The following NAV3 variants were observed in gnomAD, a reference collection of about 807,000 sequenced individuals.
NAV3 encodes the protein neuron navigator 3, also known as pore membrane and/or filament interacting like protein 1.
A neutral mutation model predicts 244.7 loss-of-function variants in NAV3; 87 were observed. The ratio of observed to expected loss-of-function variants is 0.36; its 90% CI spans 0.30 to 0.42. The LOEUF is 0.42. Ranked by LOEUF, NAV3 falls within the 20% of genes least tolerant of loss-of-function variation. The pLI, the probability that NAV3 is intolerant of heterozygous loss-of-function variation, is 1.00. For missense variants in NAV3, 2,663 were observed against 2,893.3 expected (o/e 0.92, Z 1.83); for synonymous variants, 1,126 against 1,042.2 (o/e 1.08, Z -1.55).
chr12:78,057,896 G>A (rs1425104286), intron 11 of NAV3, among the ~76,000 whole-genome samples: 1 of 152,154 alleles, frequency 6.6e-6, no homozygotes, highest in Non-Finnish European at 1.5e-5. Context: ...TCTCCTAGGT[G>A]CCTGATTTTT....
chr12:77,966,094 C>T (rs1342137911), intron 3 of NAV3, 135 bp from the exon 4 acceptor site: 7 of 761,874 alleles, frequency 9.2e-6, no homozygotes, highest in Non-Finnish European at 1.5e-5. Flanking sequence ...TCTAGTTAAA[C>T]TCTGGTTAAG....
chr12:77,759,763 A>AT (rs5799342), intron 2 of NAV3, among the ~76,000 whole-genome samples: 71,712 of 151,312 alleles, frequency 0.47, 17,111 homozygotes, highest in Middle Eastern at 0.54. Context: ...TCTGATTTTT[A>AT]TTTTTTTTTA....
chr12:77,935,717 G>A (rs540492616), intron 1 of NAV3, among the ~76,000 whole-genome samples: 1 of 152,104 alleles, frequency 6.6e-6, no homozygotes, highest in African/African-American at 2.4e-5. Flanking sequence ...AGGAAAAGAG[G>A]TTTAATAGAC....
intron 30 of NAV3, among the ~76,000 whole-genome samples, chr12:78,182,369 A>C (rs1295953458): frequency 6.6e-6 from 1 of 152,026 alleles, no homozygotes; most frequent in African/African-American, 2.4e-5. Flanking sequence ...ACATCTCATA[A>C]TGACCAGTGC....
intron 7 of NAV3, 144 bp from the exon 8 acceptor site, chr12:78,006,275 A>C (rs1391496983): frequency 1.6e-5 from 12 of 765,084 alleles, no homozygotes; most frequent in Non-Finnish European, 2.5e-5. Flanking sequence ...AAATCACATC[A>C]GAGAAGTGAT....
intron 9 of NAV3, among the ~76,000 whole-genome samples, chr12:78,022,837 A>G (rs572898560): frequency 6.6e-6 from 1 of 152,312 alleles, no homozygotes; most frequent in Admixed American, 6.5e-5. Context: ...CAACAATTAC[A>G]GAACAACATC....
At chr12:77,768,508 C>A (rs776863064) in intron 2 of NAV3, among the ~76,000 whole-genome samples, 3 of 152,200 alleles carry the variant, frequency 2.0e-5, no homozygotes, top group Non-Finnish European at 2.9e-5. Flanking sequence ...CAGCAGGGGG[C>A]TAGTGAGTCA....
chr12:77,813,143 T>C (rs1453296800), intron 2 of NAV3, among the ~76,000 whole-genome samples: 3 of 152,146 alleles, frequency 2.0e-5, no homozygotes, highest in Non-Finnish European at 2.9e-5. Flanking sequence ...CAAATTCTTA[T>C]AGGTAATAGG....
At chr12:78,176,937 C>T (rs747576141) in intron 26 of NAV3, among the ~76,000 whole-genome samples, 4 of 151,954 alleles carry the variant, frequency 2.6e-5, no homozygotes, top group Admixed American at 6.6e-5. Flanking sequence ...GTTTGCGCTG[C>T]GCTGGATTAA....
At chr12:78,182,732 T>C (rs892734512) in intron 30 of NAV3, among the ~76,000 whole-genome samples, 4 of 151,964 alleles carry the variant, frequency 2.6e-5, no homozygotes, top group African/African-American at 9.7e-5. Flanking sequence ...ATACCTTTTT[T>C]TACCCATTCC....
chr12:77,898,176 T>C (rs1884847712), intron 1 of NAV3, among the ~76,000 whole-genome samples: 1 of 152,234 alleles, frequency 6.6e-6, no homozygotes, highest in African/African-American at 2.4e-5. Context: ...TGGTATTTTT[T>C]ATATTATATC....
chr12:78,100,026 TA>T (rs1377991141), intron 12 of NAV3, among the ~76,000 whole-genome samples: 1 of 151,816 alleles, frequency 6.6e-6, no homozygotes, highest in Non-Finnish European at 1.5e-5. Flanking sequence ...CTAGAGAAAA[TA>T]AAAGCAAATA....
At chr12:77,685,486 C>CACACACACACAA (rs1555194553) in intron 2 of NAV3, among the ~76,000 whole-genome samples, 8 of 139,924 alleles carry the variant, frequency 5.7e-5, no homozygotes, top group African/African-American at 2.2e-4. Context: ...CACACACACA[C>CACACACACACAA]ACACACACAC....
At chr12:77,905,767 A>T (rs1454176074) in intron 1 of NAV3, among the ~76,000 whole-genome samples, 1 of 152,206 alleles carries the variant, frequency 6.6e-6, no homozygotes. Context: ...TGTATTAAAT[A>T]TGGCTGACCA....
At chr12:77,574,111 AC>A (rs1868964581) in intron 2 of NAV3, among the ~76,000 whole-genome samples, 1 of 151,982 alleles carries the variant, frequency 6.6e-6, no homozygotes, top group South Asian at 2.1e-4. Context: ...GCACAGGAAG[AC>A]CCCCATCTCA....
chr12:78,059,322 C>A (rs1412204073), intron 12 of NAV3, among the ~76,000 whole-genome samples: 1 of 151,800 alleles, frequency 6.6e-6, no homozygotes, highest in East Asian at 1.9e-4. Context: ...CAGAGTCTTG[C>A]TCTGTCACCA....
chr12:77,703,805 A>G (rs1389228253), intron 2 of NAV3, among the ~76,000 whole-genome samples: 1 of 152,200 alleles, frequency 6.6e-6, no homozygotes, highest in Non-Finnish European at 1.5e-5. Flanking sequence ...TCCTGTCAGT[A>G]GAAGAATGAC....
chr12:78,000,616 G>A (rs966040958), intron 7 of NAV3, among the ~76,000 whole-genome samples: 7 of 137,344 alleles, frequency 5.1e-5, no homozygotes, highest in African/African-American at 1.9e-4. Flanking sequence ...CCATTCACCT[G>A]CCTCAGCCTC....
intron 2 of NAV3, among the ~76,000 whole-genome samples, chr12:77,732,466 A>C (rs1877165617): frequency 6.6e-6 from 1 of 151,924 alleles, no homozygotes; most frequent in African/African-American, 2.4e-5. Context: ...TGAGCTGCTT[A>C]ATTTTTTTGT....
Sources: allele counts gnomAD v4.1 joint callset (sites outside exome capture counted in the v4.1 genomes callset), GRCh38; gene constraint gnomAD v4.1.1; transcripts MANE v1.5; gene names NCBI Gene and HGNC (gene_info 2026-07-23, HGNC 2026-07-21).